The following FBN2 variants were observed in gnomAD, a reference collection of about 807,000 sequenced individuals.
FBN2 encodes the protein fibrillin-2.
A neutral mutation model predicts 355.6 loss-of-function variants in FBN2; 105 were observed. That is an observed-to-expected ratio of 0.30 (90% CI 0.25 to 0.35). FBN2 has a LOEUF of 0.35. Among genes scored for constraint, FBN2 ranks in the 10% least tolerant of loss-of-function variants. The probability of loss-of-function intolerance (pLI) is 1.00; values close to 1 mark genes in which losing one functional copy is unlikely to be tolerated. For synonymous variants in FBN2, 1,350 were observed against 1,301.2 expected, an observed-to-expected ratio of 1.04 and a Z score of -0.81; for missense variants, 3,280 against 3,758.7, an observed-to-expected ratio of 0.87 and a Z score of 3.33.
chr5:128,330,654 T>C lies in FBN2; in HGVS notation c.4264A>G (p.Asn1422Asp). Residue 1422 changes from asparagine to aspartate, a missense_variant, in exon 33 of 65, where the codon AAT becomes GAT. By Grantham distance (23) the Asn-to-Asp change is conservative. Around this residue, in one of 6 missense-constraint regions of FBN2, gnomAD observed 2,284 missense variants for 2,749.5 expected, o/e 0.83. Coordinates refer to ENST00000262464, the MANE Select transcript of FBN2 (RefSeq NM_001999.4). The part of the protein sequence containing the change: ...CSNGTHQCSI[N>D]AQCVNTPGSY... ...CCCGGGGTATTTACACACTGAGCATTGATGCTACACTGGTGGGTTCCATTA... is the reference window on the plus strand; with the variant it reads ...CCCGGGGTATTTACACACTGAGCATCGATGCTACACTGGTGGGTTCCATTA... The C allele has an allele frequency of 1.9e-6, 3 of 1,613,922 alleles. 1 individual carries two copies. In the South Asian group the frequency reaches 3.3e-5, roughly 18 times the overall value.
At position 128,312,646 on chromosome 5, in the gene FBN2, G is replaced by C. The variant is rs139830237; in HGVS notation, c.4867C>G (p.Pro1623Ala). 13 of 1,613,810 alleles carry C rather than the reference G, an allele frequency of 8.1e-6. No individual in the cohort carries two copies. The highest frequency in any genetic ancestry group is 6.7e-5 in the Admixed American group (4 of 59,974). The change falls in exon 37 of 65, where the codon CCT becomes GCT. Residue 1623 changes from proline (P) to alanine (A), a missense_variant. Physicochemically the swap from Pro to Ala is conservative, Grantham distance 27. This residue lies in a region of FBN2 where 2,284 missense variants were observed against 2,749.5 expected (regional missense o/e 0.83). Transcript: ENST00000262464. ...GCTTTGTACTTACTGCTATTGACAG[G>C]GGGGCATGTCTCACAGGGGTTTCCC... is the stretch of plus-strand genomic sequence containing the variant. ...AWGNPCETCPPVNSTEYYTLC... is the reference protein window; with the variant it reads ...AWGNPCETCPAVNSTEYYTLC...
chr5:128,435,715 CTCT>C (rs1262143416), intron 7 of FBN2, among the ~76,000 whole-genome samples: 1 of 151,936 alleles, frequency 6.6e-6, no homozygotes, highest in Non-Finnish European at 1.5e-5. Flanking sequence ...TATAATTTTC[CTCT>C]TGTTACTGGG....
At chr5:128,359,536 C>A (rs1479854949) in intron 19 of FBN2, among the ~76,000 whole-genome samples, 1 of 152,092 alleles carries the variant, frequency 6.6e-6, no homozygotes, top group Non-Finnish European at 1.5e-5. Context: ...CATGATAAAT[C>A]ATTTTTATTT....
At position 128,350,880 on chromosome 5, in the gene FBN2, G is replaced by A. The variant is rs575679542; in HGVS notation, c.2800C>T (p.Arg934Trp). The A allele has an allele frequency of 1.1e-5, 18 of 1,614,078 alleles. No individual in the cohort carries two copies. In the South Asian group the frequency reaches 1.4e-4, roughly 13 times the overall value. ...ATAAGGCTCCTACCTAGTTCACACC[G>A]CTCACAGGGGCTCCCCCAGGCGGCT... ...LGAAWGSPCE[R>W]CELDTACPRG... Residue 934 changes from arginine to tryptophan, a missense_variant, in exon 21 of 65, where the codon CGG becomes TGG. By Grantham distance (101) the Arg-to-Trp change is moderately radical. Coordinates refer to ENST00000262464, the MANE Select transcript of FBN2 (RefSeq NM_001999.4).
Position 128,408,737 on chromosome 5 carries a change from C to T in FBN2, c.1015G>A (p.Gly339Arg), listed in dbSNP as rs1379355760. 1 of 1,613,946 alleles carries T rather than the reference C, an allele frequency of 6.2e-7. No individual in the cohort carries two copies. The highest frequency in any genetic ancestry group is 8.5e-7 in the Non-Finnish European group (1 of 1,179,922). The change falls in exon 8 of 65, where the codon GGA (glycine) becomes AGA (arginine). Residue 339 changes from glycine to arginine, a missense_variant. Physicochemically the swap from Gly to Arg is moderately radical, Grantham distance 125 (BLOSUM62 -2). This residue lies in a region of FBN2 where 343 missense variants were observed against 331.0 expected (regional missense o/e 1.04). Transcript: ENST00000262464. Reference protein sequence around the residue: ...CETGECSNTVGSYFCVCPRGY... With the variant: ...CETGECSNTVRSYFCVCPRGY... Reference sequence around the variant, plus strand: ...CGTGGACAAACACAAAAATAGCTTCCCACGGTGTTGGAACATTCACCAGTT... The same window carrying T: ...CGTGGACAAACACAAAAATAGCTTCTCACGGTGTTGGAACATTCACCAGTT...
At chr5:128,522,677 A>G (rs1756461112) in intron 4 of FBN2, among the ~76,000 whole-genome samples, 2 of 152,228 alleles carry the variant, frequency 1.3e-5, no homozygotes, top group Non-Finnish European at 2.9e-5. Flanking sequence ...GTAGAAGCAA[A>G]AACCAAAAAT....
Position 128,261,723 on chromosome 5 carries a change from G to T in FBN2, c.8364+13C>A. 1 of 1,613,562 alleles carries T rather than the reference G, an allele frequency of 6.2e-7. No homozygotes were observed. The highest frequency in any genetic ancestry group is 8.5e-7 in the Non-Finnish European group (1 of 1,179,494). ...ATAAAATTTTGTGGCAACACAGAGTGGGATATACTCACAGCAGTGGGATCA... is the reference window on the plus strand; with the variant it reads ...ATAAAATTTTGTGGCAACACAGAGTTGGATATACTCACAGCAGTGGGATCA... On this transcript the variant is annotated intron_variant, in intron 64 of 64. Coordinates refer to ENST00000262464, the MANE Select transcript of FBN2 (RefSeq NM_001999.4).
intron 15 of FBN2, 74 bp from the exon 16 acceptor site, chr5:128,369,408 T>G: frequency 6.7e-7 from 1 of 1,491,480 alleles, no homozygotes; most frequent in South Asian, 1.2e-5. Context: ...AGGCTTCTTT[T>G]AACCTAAGTG....
chr5:128,268,442 A>G (rs935495197), intron 62 of FBN2, among the ~76,000 whole-genome samples: 28 of 152,190 alleles, frequency 1.8e-4, no homozygotes, highest in African/African-American at 6.8e-4. Flanking sequence ...ATTCTACCAG[A>G]GGTACCAAGA....
At chr5:128,425,329 T>C (rs530047799) in intron 7 of FBN2, among the ~76,000 whole-genome samples, 5 of 152,240 alleles carry the variant, frequency 3.3e-5, no homozygotes, top group South Asian at 2.1e-4. Flanking sequence ...CCCTAAACAT[T>C]TTAAATAAAG....
At position 128,305,494 on chromosome 5, in the gene FBN2, G is replaced by A. The variant is rs752744740; in HGVS notation, c.5674+17C>T. On this transcript the variant is annotated intron_variant, in intron 44 of 64. Coordinates refer to ENST00000262464, the MANE Select transcript of FBN2 (RefSeq NM_001999.4). ...TCTTGTGCTCAGTGCCAAAGAATGAGTCAGCCTCTTTCTTACCTACACAGG... is the reference window on the plus strand; with the variant it reads ...TCTTGTGCTCAGTGCCAAAGAATGAATCAGCCTCTTTCTTACCTACACAGG... The A allele has an allele frequency of 3.7e-6, 6 of 1,613,888 alleles. No individual in the cohort carries two copies. The South Asian group carries it at 5.5e-5, about 15-fold the overall frequency.
chr5:128,323,989 G>C lies in FBN2; in HGVS notation c.4471+4707C>G, dbSNP rs193259051. Among the ~76,000 whole-genome samples the C allele has an allele frequency of 2.9e-4, 44 of 152,262 alleles. No homozygotes were observed. The Middle Eastern group carries it at 0.01, about 35-fold the overall frequency. On this transcript the variant is annotated intron_variant, in intron 34 of 64. Transcript: ENST00000262464. ...AGAACTTGTTATTGGTCTATTAAGG[G>C]ATTCAACTTCTTCCTGGTTTAGTCT...
At chr5:128,300,513 T>G (rs1749683121) in intron 48 of FBN2, among the ~76,000 whole-genome samples, 1 of 152,228 alleles carries the variant, frequency 6.6e-6, no homozygotes, top group African/African-American at 2.4e-5. Context: ...GATTACAATT[T>G]TTGTAGACAC....
chr5:128,519,639 CAG>C (rs1756376748), intron 4 of FBN2, among the ~76,000 whole-genome samples: 1 of 151,048 alleles, frequency 6.6e-6, no homozygotes, highest in African/African-American at 2.4e-5. Context: ...TTTTTTTAAT[CAG>C]AATCATATTC....
In FBN2 at chr5:128,278,701, G is replaced by C. The variant is rs771953087; in HGVS notation, c.7279C>G (p.Leu2427Val). The change falls in exon 57 of 65, where the codon CTT becomes GTT. Residue 2427 changes from leucine (L) to valine (V), a missense_variant. Leu to Val is a conservative substitution (Grantham distance 32, BLOSUM62 1). Around this residue, in one of 6 missense-constraint regions of FBN2, gnomAD observed 2,284 missense variants for 2,749.5 expected, o/e 0.83. Transcript: ENST00000262464. ...TTTTTGTACTGGGCAGTTCCAGGAA[G>C]TGGGCAAAGCTCGCACTGGTGGCCC... The part of the protein sequence containing the change: ...GWGHQCELCP[L>V]PGTAQYKKIC... 2.5e-6 allele frequency: 4 copies of C among 1,614,128 alleles called. No individual in the cohort carries two copies. The highest frequency in any genetic ancestry group is 3.4e-6 in the Non-Finnish European group (4 of 1,180,014).
chr5:128,297,687 C>T lies in FBN2; in HGVS notation c.6166+3130G>A, dbSNP rs866880934. Among the ~76,000 whole-genome samples, 727 of 152,054 alleles carry T rather than the reference C, an allele frequency of 4.8e-3. 8 individuals carry two copies. Among genetic ancestry groups the T allele is most frequent in the African/African-American group, 0.016 (678 of 41,480 alleles). ...TGCCTTTTTTTGTTTTCCATTTGCT[C>T]GGTAGATCTTCCTCCATCCTTTTAT... is the stretch of plus-strand genomic sequence containing the variant. On this transcript the variant is annotated intron_variant, in intron 48 of 64. Transcript: ENST00000262464.
intron 7 of FBN2, among the ~76,000 whole-genome samples, chr5:128,419,123 G>T (rs954693223): frequency 6.6e-6 from 1 of 152,088 alleles, no homozygotes; most frequent in African/African-American, 2.4e-5. Flanking sequence ...TTTGTACATT[G>T]ATCTTGTACA....
At chr5:128,292,172 T>C (rs1278337489) in intron 48 of FBN2, among the ~76,000 whole-genome samples, 1 of 152,162 alleles carries the variant, frequency 6.6e-6, no homozygotes, top group Non-Finnish European at 1.5e-5. Flanking sequence ...GAATGTCTTC[T>C]TCTTGTCACA....
In FBN2 at chr5:128,350,889, G is replaced by C. The variant is rs779579749; in HGVS notation, c.2791C>G (p.Pro931Ala). The C allele has an allele frequency of 1.2e-6, 2 of 1,614,120 alleles. No homozygotes were observed. The highest frequency in any genetic ancestry group is 1.7e-6 in the Non-Finnish European group (2 of 1,180,034). The change falls in exon 21 of 65, where the codon CCC becomes GCC. Residue 931 changes from proline to alanine, a missense_variant. Pro to Ala is a conservative substitution (Grantham distance 27). This residue lies in a region of FBN2 where 2,284 missense variants were observed against 2,749.5 expected (regional missense o/e 0.83). Transcript: ENST00000262464. Reference sequence around the variant, plus strand: ...CTACCTAGTTCACACCGCTCACAGGGGCTCCCCCAGGCGGCTCCGAGGGTG... The same window carrying C: ...CTACCTAGTTCACACCGCTCACAGGCGCTCCCCCAGGCGGCTCCGAGGGTG... Reference protein sequence around the residue: ...CATLGAAWGSPCERCELDTAC... With the variant: ...CATLGAAWGSACERCELDTAC...
Sources: gnomAD v4.1 joint callset for allele counts (sites outside exome capture counted in the v4.1 genomes callset) on GRCh38, gnomAD v4.1.1 for gene constraint, gnomAD v4.1.1 regional missense constraint, MANE v1.5 for transcripts, NCBI Gene and HGNC (gene_info 2026-07-23, HGNC 2026-07-21) for gene names.